L3MBTL3: variants seen among roughly 807,000 people sequenced by gnomAD.
L3MBTL3 encodes the protein lethal(3)malignant brain tumor-like protein 3.
Under a neutral mutation model 102.3 loss-of-function variants are expected in L3MBTL3, and 27 were observed. That is an observed-to-expected ratio of 0.26 (90% confidence interval 0.19 to 0.36). The LOEUF (loss-of-function observed/expected upper bound fraction) is 0.36. L3MBTL3 is among the 10% of genes least tolerant of loss of function. The pLI, the probability that L3MBTL3 is intolerant of heterozygous loss-of-function variation, is 1.00. For missense variants in L3MBTL3, 798 were observed against 955.3 expected, an observed-to-expected ratio of 0.84 and a Z score of 2.17; for synonymous variants, 340 against 320.9, an observed-to-expected ratio of 1.06 and a Z score of -0.64.
At chr6:130,135,250 G>T (rs73602382) in intron 22 of L3MBTL3, among the ~76,000 whole-genome samples, 2,810 of 151,742 alleles carry the variant, frequency 0.019, 68 homozygotes, top group African/African-American at 0.065. Context: ...TTTTAGTAGA[G>T]ACTTGGTTTC....
At chr6:130,041,240 C>T (rs771278433) in intron 2 of L3MBTL3, among the ~76,000 whole-genome samples, 2 of 152,124 alleles carry the variant, frequency 1.3e-5, no homozygotes, top group Non-Finnish European at 2.9e-5. Flanking sequence ...TAGACTTGAT[C>T]AGATTAGGTT....
At chr6:130,053,487 T>C (rs1002950361) in intron 7 of L3MBTL3, among the ~76,000 whole-genome samples, 1 of 151,680 alleles carries the variant, frequency 6.6e-6, no homozygotes, top group Non-Finnish European at 1.5e-5. Flanking sequence ...TACAAAAAAT[T>C]AGGTAGGCGT....
At chr6:130,115,398 A>T (rs1355554172) in intron 19 of L3MBTL3, among the ~76,000 whole-genome samples, 2 of 152,196 alleles carry the variant, frequency 1.3e-5, no homozygotes. Context: ...TTCCTGCTGG[A>T]CTTAAAGAGG....
chr6:130,081,380 T>G (rs906324925), intron 14 of L3MBTL3, among the ~76,000 whole-genome samples: 1 of 152,158 alleles, frequency 6.6e-6, no homozygotes, highest in Non-Finnish European at 1.5e-5. Flanking sequence ...CTTAAAAATG[T>G]CATAAAATGT....
At chr6:130,046,515 A>G (rs1483420951) in intron 3 of L3MBTL3, among the ~76,000 whole-genome samples, 1 of 152,254 alleles carries the variant, frequency 6.6e-6, no homozygotes, top group Non-Finnish European at 1.5e-5. Flanking sequence ...AGAGAGTTGA[A>G]TCAATTAAAG....
intron 11 of L3MBTL3, among the ~76,000 whole-genome samples, chr6:130,067,088 C>T (rs112632622): frequency 1.6e-4 from 25 of 152,226 alleles, no homozygotes; most frequent in African/African-American, 4.3e-4. Flanking sequence ...TAACAGATAT[C>T]GTCTTTTTCA....
intron 18 of L3MBTL3, among the ~76,000 whole-genome samples, chr6:130,101,171 G>A (rs915946969): frequency 1.3e-5 from 2 of 152,172 alleles, no homozygotes; most frequent in Admixed American, 6.5e-5. Flanking sequence ...GTCAAAGATG[G>A]TGAAGACCTG....
intron 1 of L3MBTL3, among the ~76,000 whole-genome samples, chr6:130,022,002 C>T (rs1199266245): frequency 6.6e-6 from 1 of 152,050 alleles, no homozygotes; most frequent in Admixed American, 6.5e-5. Context: ...ACAGGAGAGA[C>T]GTTATTGGGT....
At chr6:130,059,387 A>ATC in intron 9 of L3MBTL3, among the ~76,000 whole-genome samples, 1 of 152,310 alleles carries the variant, frequency 6.6e-6, no homozygotes, top group Non-Finnish European at 1.5e-5. Context: ...TGAGTCATGA[A>ATC]TCTCTTCACC....
chr6:130,053,633 TCAAAAAAAAAAAA>T (rs1486037364), intron 7 of L3MBTL3, among the ~76,000 whole-genome samples: 2 of 112,228 alleles, frequency 1.8e-5, no homozygotes, highest in African/African-American at 6.0e-5. Flanking sequence ...AGACTGTGTC[TCAAAAAAAAAAAA>T]CAAAAAAAAC....
chr6:130,074,310 A>G (rs1262775943), intron 13 of L3MBTL3, among the ~76,000 whole-genome samples: 1 of 152,204 alleles, frequency 6.6e-6, no homozygotes, highest in Non-Finnish European at 1.5e-5. Flanking sequence ...GTAGGACTGA[A>G]AAAGTAGCTT....
At chr6:130,057,349 C>A in intron 8 of L3MBTL3, 57 bp from the exon 9 acceptor site, 1 of 1,332,976 alleles carries the variant, frequency 7.5e-7, no homozygotes, top group Non-Finnish European at 1.1e-6. Context: ...TTCACAGATG[C>A]ATCACTGCTG....
intron 2 of L3MBTL3, among the ~76,000 whole-genome samples, chr6:130,032,598 G>A (rs780370989): frequency 7.9e-5 from 12 of 152,194 alleles, no homozygotes; most frequent in Non-Finnish European, 1.8e-4. Flanking sequence ...CTATGCTGTG[G>A]TATTATCTGG....
intron 20 of L3MBTL3, among the ~76,000 whole-genome samples, chr6:130,125,040 C>T (rs1300315196): frequency 6.6e-6 from 1 of 152,042 alleles, no homozygotes; most frequent in African/African-American, 2.4e-5. Flanking sequence ...GACAGTTAAA[C>T]AGTCGTCTTA....
intron 8 of L3MBTL3, among the ~76,000 whole-genome samples, chr6:130,057,114 C>G (rs1781557975): frequency 6.6e-6 from 1 of 152,220 alleles, no homozygotes; most frequent in South Asian, 2.1e-4. Flanking sequence ...TAGAAGCTCT[C>G]CCTTCCTGTA....
chr6:130,086,287 G>C (rs368466196), intron 16 of L3MBTL3, 37 bp downstream of exon 16: 71 of 1,349,950 alleles, frequency 5.3e-5, no homozygotes, highest in Non-Finnish European at 7.3e-5. Flanking sequence ...TTTGTCTTTT[G>C]TTATAAGATG....
rs942188469 is a variant in L3MBTL3 at position 130,129,874 on chromosome 6, A to G, written c.1967-3578A>G. Among the ~76,000 whole-genome samples the G allele has an allele frequency of 4.6e-5, 7 of 152,178 alleles. No homozygotes were observed. In the South Asian group the frequency reaches 6.2e-4, roughly 14 times the overall value. On this transcript the variant is annotated intron_variant, in intron 20 of 22. Coordinates refer to ENST00000361794, the MANE Select transcript of L3MBTL3 (RefSeq NM_032438.4). ...AGTCTATTTGCATTTATTTTAGCCT[A>G]TGTCATAACATGTTAAAACAAAAAC...
chr6:130,025,016 C>T (rs1319295853), intron 2 of L3MBTL3, among the ~76,000 whole-genome samples: 1 of 152,070 alleles, frequency 6.6e-6, no homozygotes, highest in Non-Finnish European at 1.5e-5. Context: ...GAGTAAGAAG[C>T]CCTTCACCCA....
intron 2 of L3MBTL3, among the ~76,000 whole-genome samples, chr6:130,037,573 C>G (rs974331273): frequency 1.2e-4 from 18 of 152,244 alleles, no homozygotes; most frequent in African/African-American, 4.1e-4. Context: ...TTTCTCAGCT[C>G]TTTACATCCT....
Sources: gnomAD v4.1 joint callset for allele counts (sites outside exome capture counted in the v4.1 genomes callset) on GRCh38, gnomAD v4.1.1 for gene constraint, MANE v1.5 for transcripts, NCBI Gene and HGNC (gene_info 2026-07-23, HGNC 2026-07-21) for gene names.